VDAC1: variants seen among roughly 807,000 people sequenced by gnomAD.
VDAC1 encodes the protein non-selective voltage-gated ion channel VDAC1.
A neutral mutation model predicts 34.7 loss-of-function variants in VDAC1; 10 were observed. That is an observed-to-expected ratio of 0.29 (90% CI 0.18 to 0.49). The LOEUF (loss-of-function observed/expected upper bound fraction) is 0.49, where lower values mean the gene tolerates loss of function less well. Ranked by LOEUF, VDAC1 falls within the 20% of genes least tolerant of loss-of-function variation. VDAC1 has a pLI of 0.99. For synonymous variants in VDAC1, 130 were observed against 136.0 expected, an observed-to-expected ratio of 0.96 and a Z score of 0.30; for missense variants, 230 against 347.9, an observed-to-expected ratio of 0.66 and a Z score of 2.69.
chr5:133,997,953 G>C (rs1246924950), intron 1 of VDAC1, among the ~76,000 whole-genome samples: 1 of 151,942 alleles, frequency 6.6e-6, no homozygotes, highest in African/African-American at 2.4e-5. Context: ...TGTAATCCCA[G>C]CTACTCGGGA....
the VDAC1 span, among the ~76,000 whole-genome samples, chr5:134,065,816 C>T: frequency 1.6e-3 from 104 of 65,120 alleles, no homozygotes; most frequent in Non-Finnish European, 1.1e-3. Context: ...TTTTTTGAGA[C>T]GGGGTTTCAC....
the VDAC1 span, among the ~76,000 whole-genome samples, chr5:134,077,268 C>T: frequency 4.0e-5 from 5 of 123,470 alleles, no homozygotes; most frequent in African/African-American, 1.6e-4. Flanking sequence ...CAGAGCAAGA[C>T]TCCATCTCAA....
At chr5:134,045,021 G>A in the VDAC1 span, among the ~76,000 whole-genome samples, 1 of 152,162 alleles carries the variant, frequency 6.6e-6, no homozygotes, top group African/African-American at 2.4e-5. Flanking sequence ...CCAGAGCAGG[G>A]GCCCAGAAAC....
At chr5:134,099,174 G>C in the VDAC1 span, among the ~76,000 whole-genome samples, 1 of 152,152 alleles carries the variant, frequency 6.6e-6, no homozygotes, top group South Asian at 2.1e-4. Flanking sequence ...GCTTCAGGTC[G>C]AGCACAGACT....
chr5:134,070,046 C>T, the VDAC1 span, among the ~76,000 whole-genome samples: 1 of 152,140 alleles, frequency 6.6e-6, no homozygotes, highest in Non-Finnish European at 1.5e-5. Flanking sequence ...ATAATCCACC[C>T]CTTGTTTAGC....
the VDAC1 span, among the ~76,000 whole-genome samples, chr5:134,104,937 G>T: frequency 3.3e-5 from 5 of 152,162 alleles, no homozygotes; most frequent in Non-Finnish European, 7.4e-5. Context: ...GGTCCCAAGC[G>T]GTTCCTTGAT....
At chr5:134,086,142 G>A in the VDAC1 span, among the ~76,000 whole-genome samples, 1 of 152,186 alleles carries the variant, frequency 6.6e-6, no homozygotes, top group Non-Finnish European at 1.5e-5. Context: ...GTTGCAGTGA[G>A]CCAAGATTGT....
At chr5:134,078,489 G>T in the VDAC1 span, among the ~76,000 whole-genome samples, 2 of 152,122 alleles carry the variant, frequency 1.3e-5, no homozygotes, top group Non-Finnish European at 2.9e-5. Flanking sequence ...GCACCTGGGT[G>T]TTCACAGAAT....
At chr5:134,000,608 A>G (rs954119734) in intron 1 of VDAC1, among the ~76,000 whole-genome samples, 2 of 151,968 alleles carry the variant, frequency 1.3e-5, no homozygotes, top group African/African-American at 4.8e-5. Context: ...AATCAAATAG[A>G]CCTGAGTTCT....
chr5:134,035,954 C>T, the VDAC1 span, among the ~76,000 whole-genome samples: 4 of 148,884 alleles, frequency 2.7e-5, no homozygotes, highest in Non-Finnish European at 5.9e-5. Context: ...TGCAATGAGC[C>T]GAGATCGCAC....
At chr5:134,071,035 G>T in the VDAC1 span, among the ~76,000 whole-genome samples, 1 of 152,178 alleles carries the variant, frequency 6.6e-6, no homozygotes, top group Non-Finnish European at 1.5e-5. The surrounding 1 kb of genome is among the most constrained non-coding windows in gnomAD (Gnocchi z 4.1). Flanking sequence ...GGAACCTAGG[G>T]GTGGGGGCTC....
At chr5:134,011,440 C>A in the VDAC1 span, among the ~76,000 whole-genome samples, 2 of 152,068 alleles carry the variant, frequency 1.3e-5, no homozygotes, top group African/African-American at 4.8e-5. Flanking sequence ...AAACCTTATA[C>A]CCTTTGATCA....
chr5:134,008,296 C>T (rs1753787725), upstream of VDAC1, among the ~76,000 whole-genome samples: 1 of 152,166 alleles, frequency 6.6e-6, no homozygotes, highest in South Asian at 2.1e-4. Flanking sequence ...ATGCCGGAGA[C>T]TACACCCTGT....
the VDAC1 span, among the ~76,000 whole-genome samples, chr5:134,087,142 A>G: frequency 6.6e-6 from 1 of 152,046 alleles, no homozygotes; most frequent in Non-Finnish European, 1.5e-5. Flanking sequence ...GTCTTTACCT[A>G]CGGTTTCAGA....
chr5:134,040,289 G>A, the VDAC1 span, among the ~76,000 whole-genome samples: 4 of 152,242 alleles, frequency 2.6e-5, no homozygotes, highest in Admixed American at 2.0e-4. Flanking sequence ...AAATTAGCTG[G>A]GCATAGGCCA....
chr5:134,033,080 G>A, the VDAC1 span, among the ~76,000 whole-genome samples: 1 of 151,276 alleles, frequency 6.6e-6, no homozygotes, highest in Non-Finnish European at 1.5e-5. Flanking sequence ...GAGAGGAAAC[G>A]AGAGAGAGGA....
At chr5:134,086,539 G>A in the VDAC1 span, among the ~76,000 whole-genome samples, 91 of 152,346 alleles carry the variant, frequency 6.0e-4, 1 homozygote, top group Admixed American at 3.0e-3. Flanking sequence ...GGGCATGAAC[G>A]TGTAGATTCT....
chr5:134,055,603 T>TG, the VDAC1 span, among the ~76,000 whole-genome samples: 7 of 140,550 alleles, frequency 5.0e-5, no homozygotes, highest in East Asian at 2.2e-4. Context: ...TTTTTTTTTT[T>TG]TTTTTTTTTT....
At chr5:134,111,674 A>G in the VDAC1 span, among the ~76,000 whole-genome samples, 2 of 152,102 alleles carry the variant, frequency 1.3e-5, no homozygotes, top group African/African-American at 4.8e-5. Flanking sequence ...TTCATGCAAC[A>G]TGAGCCACCC....
Sources: allele counts gnomAD v4.1 joint callset (sites outside exome capture counted in the v4.1 genomes callset), GRCh38; gene constraint gnomAD v4.1.1; non-coding constraint Gnocchi (gnomAD v3.1); transcripts MANE v1.5; gene names NCBI Gene and HGNC (gene_info 2026-07-23, HGNC 2026-07-21).